TECRL: variants seen among roughly 807,000 people sequenced by gnomAD.
TECRL encodes trans-2,3-enoyl-CoA reductase-like.
A neutral mutation model predicts 52.8 loss-of-function variants in TECRL; 63 were observed. That is an observed-to-expected ratio of 1.19 (90% CI 0.97 to 1.47). TECRL has a LOEUF of 1.47. Among genes scored for constraint, TECRL ranks in the 40% most tolerant of loss-of-function variants. TECRL has a pLI of 0.00. For missense variants in TECRL, 482 were observed against 429.6 expected (o/e 1.12, Z -1.08); for synonymous variants, 164 against 141.9 (o/e 1.16, Z -1.10).
chr4:64,324,860 T>C (rs999109048), intron 3 of TECRL, among the ~76,000 whole-genome samples: 3 of 152,192 alleles, frequency 2.0e-5, no homozygotes, highest in African/African-American at 4.8e-5. Flanking sequence ...ACATGTGTGG[T>C]AGGCAGATTT....
At chr4:64,312,846 A>G (rs959582907) in intron 5 of TECRL, among the ~76,000 whole-genome samples, 2 of 152,012 alleles carry the variant, frequency 1.3e-5, no homozygotes, top group African/African-American at 4.8e-5. Flanking sequence ...TCTGCTACGT[A>G]TCTGGTATAT....
At position 64,279,770 on chromosome 4, in the gene TECRL, T is replaced by G; in HGVS notation, c.*302A>C. On this transcript the variant is annotated 3_prime_UTR_variant, in exon 12 of 12. Transcript: ENST00000381210. ...GTTAATCAGATTTTTTTTTTTGCTGTGGTATTTTGTCTTATGCAAATAGTA... is the reference window on the plus strand; with the variant it reads ...GTTAATCAGATTTTTTTTTTTGCTGGGGTATTTTGTCTTATGCAAATAGTA... The G allele has an allele frequency of 1.0e-6, 1 of 988,664 alleles. No individual in the cohort carries two copies. Among genetic ancestry groups the G allele is most frequent in the Non-Finnish European group, 1.2e-6 (1 of 831,770 alleles). 61.2% of individuals were successfully genotyped at this position (988,664 alleles called of 1,614,324 possible). A position where few individuals can be genotyped will look rare whatever the true frequency, so the allele number is the denominator to read the frequency against.
intron 1 of TECRL, among the ~76,000 whole-genome samples, chr4:64,403,966 A>T (rs1724540027): frequency 6.6e-6 from 1 of 152,072 alleles, no homozygotes; most frequent in South Asian, 2.1e-4. Context: ...CATTTTACAG[A>T]TGAACAAACT....
chr4:64,307,361 C>T (rs1364100853), intron 6 of TECRL, among the ~76,000 whole-genome samples: 1 of 152,150 alleles, frequency 6.6e-6, no homozygotes, highest in Non-Finnish European at 1.5e-5. Flanking sequence ...TGGGGTGCAG[C>T]ATAGGTAAGT....
intron 9 of TECRL, 28 bp downstream of exon 9, chr4:64,289,682 A>C: frequency 6.8e-7 from 1 of 1,461,706 alleles, no homozygotes; most frequent in East Asian, 2.7e-5. Flanking sequence ...ATTCACTCTA[A>C]AGAAAAGAAA....
At chr4:64,364,824 C>T (rs1178685031) in intron 2 of TECRL, among the ~76,000 whole-genome samples, 1 of 151,110 alleles carries the variant, frequency 6.6e-6, no homozygotes, top group African/African-American at 2.4e-5. Flanking sequence ...CTCTACCAGA[C>T]TTTCAAAACG....
chr4:64,363,491 A>G (rs929565155), intron 2 of TECRL, among the ~76,000 whole-genome samples: 2 of 152,150 alleles, frequency 1.3e-5, no homozygotes, highest in African/African-American at 4.8e-5. Context: ...AGGGTCATTT[A>G]TAACCTGACG....
chr4:64,375,067 T>C lies in TECRL; in HGVS notation c.286+105A>G, dbSNP rs1722299923. 2.4e-5 allele frequency: 11 copies of C among 457,040 alleles called. 2 individuals are homozygous for C. The South Asian group carries it at 6.0e-4, about 25-fold the overall frequency. The allele number at this position is 457,040 out of a possible 1,614,324, so 28.3% of individuals were successfully genotyped here. ...ATTGTTCCTGAGCTCCTTGTAGAAC[T>C]ATGGTTTTCATACACTCTAACATAT... On this transcript the variant is annotated intron_variant, in intron 2 of 11. Transcript: ENST00000381210.
intron 2 of TECRL, among the ~76,000 whole-genome samples, chr4:64,353,830 T>G (rs1157701357): frequency 6.6e-6 from 1 of 152,050 alleles, no homozygotes; most frequent in Non-Finnish European, 1.5e-5. Context: ...AGGGGAAGAT[T>G]GTTGAAGATG....
intron 2 of TECRL, among the ~76,000 whole-genome samples, chr4:64,356,321 G>C (rs961842675): frequency 6.6e-6 from 1 of 152,072 alleles, no homozygotes; most frequent in Non-Finnish European, 1.5e-5. Context: ...AGGAGGATTA[G>C]TAAAAGAGGA....
chr4:64,409,122 T>C lies in TECRL; in HGVS notation c.230A>G (p.Asp77Gly). ...AQTRKQICIL[D>G]KVTQSSTIHD... ...TAAATAAATAAATAAACTCACCTTA[T>C]CCAGAATACATATCTGTTTCCTTGT... The change falls in exon 1 of 12, where the codon GAT becomes GGT. Residue 77 changes from aspartate (D) to glycine (G), a missense_variant. Transcript: ENST00000381210. 6.2e-7 allele frequency: 1 copy of C among 1,604,830 alleles called. No individual in the cohort carries two copies. Among genetic ancestry groups the C allele is most frequent in the Admixed American group, 1.7e-5 (1 of 59,294 alleles).
At chr4:64,322,069 G>A (rs1035555537) in intron 4 of TECRL, among the ~76,000 whole-genome samples, 5 of 152,078 alleles carry the variant, frequency 3.3e-5, no homozygotes, top group African/African-American at 1.2e-4. Context: ...CCCTATTACT[G>A]TTAAAGTTTG....
chr4:64,278,497 G>A lies in TECRL; in HGVS notation c.*1575C>T. On this transcript the variant is annotated 3_prime_UTR_variant, in exon 12 of 12. Coordinates refer to ENST00000381210, the MANE Select transcript of TECRL (RefSeq NM_001010874.5). ...AAATTTTATTTTTTGAGCGACATAA[G>A]AATTGAACATATTTGGGAGATACAT... 1 of 242,840 alleles carries A rather than the reference G, an allele frequency of 4.1e-6. No homozygotes were observed. The highest frequency in any genetic ancestry group is 6.6e-6 in the Non-Finnish European group (1 of 151,308). 15.0% of individuals were successfully genotyped at this position (242,840 alleles called of 1,614,324 possible). A position where few individuals can be genotyped will look rare whatever the true frequency, so the allele number is the denominator to read the frequency against.
intron 2 of TECRL, among the ~76,000 whole-genome samples, chr4:64,342,686 A>G (rs1399866108): frequency 6.6e-6 from 1 of 152,164 alleles, no homozygotes; most frequent in Non-Finnish European, 1.5e-5. Context: ...AATAAAAACA[A>G]AAATAAATGG....
rs374491785 is a variant in TECRL, at chr4:64,328,561, T to G, written c.287-5A>C. On this transcript the variant is annotated splice_polypyrimidine_tract_variant and splice_region_variant and intron_variant, in intron 2 of 11. Transcript: ENST00000381210. ...GAGAAGGGTACCACTTTGGACCTAT[T>G]CAATGAAAAATAACATTTAATTGTC... The G allele has an allele frequency of 1.1e-4, 180 of 1,608,458 alleles. No individual in the cohort carries two copies. The highest frequency in any genetic ancestry group is 1.4e-4 in the Non-Finnish European group (170 of 1,176,814).
intron 2 of TECRL, among the ~76,000 whole-genome samples, chr4:64,335,927 A>T (rs1719045255): frequency 6.6e-6 from 1 of 152,080 alleles, no homozygotes; most frequent in South Asian, 2.1e-4. Flanking sequence ...CCAGTATTTT[A>T]TTGAGAATTT....
At chr4:64,312,872 TA>T (rs1484109544) in intron 5 of TECRL, among the ~76,000 whole-genome samples, 1 of 152,120 alleles carries the variant, frequency 6.6e-6, no homozygotes, top group Non-Finnish European at 1.5e-5. Flanking sequence ...ATATTTAGCC[TA>T]AAAAAAGAAC....
In TECRL at chr4:64,314,628, T is replaced by C; in HGVS notation, c.551+20A>G. The C allele has an allele frequency of 8.8e-7, 1 of 1,135,762 alleles. No homozygotes were observed. The highest frequency in any genetic ancestry group is 1.3e-6 in the Non-Finnish European group (1 of 751,172). 70.4% of individuals were successfully genotyped at this position (1,135,762 alleles called of 1,614,324 possible). On this transcript the variant is annotated intron_variant, in intron 5 of 11. Coordinates refer to ENST00000381210, the MANE Select transcript of TECRL (RefSeq NM_001010874.5). Reference sequence around the variant, plus strand: ...GTGTGTGTGTGTGTGTGTGTGTGTGTGTGTGTGTGTATCACTTACTGTACC... The same window carrying C: ...GTGTGTGTGTGTGTGTGTGTGTGTGCGTGTGTGTGTATCACTTACTGTACC...
At chr4:64,329,612 A>T (rs1249440288) in intron 2 of TECRL, among the ~76,000 whole-genome samples, 1 of 151,944 alleles carries the variant, frequency 6.6e-6, no homozygotes, top group Non-Finnish European at 1.5e-5. Flanking sequence ...ACTATCTAGA[A>T]AATATGTTAT....
Sources: gnomAD v4.1 joint callset for allele counts (sites outside exome capture counted in the v4.1 genomes callset) on GRCh38, gnomAD v4.1.1 for gene constraint, MANE v1.5 for transcripts, NCBI Gene and HGNC (gene_info 2026-07-23, HGNC 2026-07-21) for gene names.